PSTPIP2: variants seen among roughly 807,000 people sequenced by gnomAD.
PSTPIP2 encodes proline-serine-threonine phosphatase-interacting protein 2.
In PSTPIP2, 33 loss-of-function variants were observed where a neutral mutation model predicts 63.3. The observed-to-expected ratio is 0.52, with a 90% confidence interval of 0.40 to 0.70. PSTPIP2 has a LOEUF of 0.70. PSTPIP2 is among the 30% of genes least tolerant of loss of function. The pLI is 0.00. For synonymous variants in PSTPIP2, 125 were observed against 132.7 expected, an observed-to-expected ratio of 0.94 and a Z score of 0.40; for missense variants, 312 against 400.7, an observed-to-expected ratio of 0.78 and a Z score of 1.89.
intron 1 of PSTPIP2, among the ~76,000 whole-genome samples, chr18:46,054,663 A>AT (rs567708908): frequency 0.16 from 22,842 of 142,046 alleles, 3,135 homozygotes; most frequent in African/African-American, 0.38. Flanking sequence ...AAACCTACTA[A>AT]TTTTTTTTTT....
At chr18:46,023,218 A>G (rs1312796949) in intron 3 of PSTPIP2, among the ~76,000 whole-genome samples, 1 of 152,138 alleles carries the variant, frequency 6.6e-6, no homozygotes, top group Non-Finnish European at 1.5e-5. Flanking sequence ...TCCCCATAAC[A>G]CATGTTTACC....
At chr18:46,057,995 C>T (rs1265979642) in intron 1 of PSTPIP2, among the ~76,000 whole-genome samples, 20 of 69,726 alleles carry the variant, frequency 2.9e-4, no homozygotes, top group African/African-American at 1.3e-3. Flanking sequence ...GAGACTCCGT[C>T]TCAAAAAAAA....
At chr18:46,061,491 C>T (rs1425741339) in intron 1 of PSTPIP2, among the ~76,000 whole-genome samples, 1 of 152,210 alleles carries the variant, frequency 6.6e-6, no homozygotes, top group Non-Finnish European at 1.5e-5. Flanking sequence ...CAATACCAGT[C>T]TGTATCAGCC....
intron 1 of PSTPIP2, among the ~76,000 whole-genome samples, chr18:46,057,609 C>A (rs1459112424): frequency 1.3e-5 from 2 of 152,054 alleles, no homozygotes; most frequent in Non-Finnish European, 2.9e-5. Flanking sequence ...GGATTACAGG[C>A]GTGCCCCACT....
chr18:46,024,556 G>T, intron 3 of PSTPIP2, 53 bp downstream of exon 3: 2 of 1,454,440 alleles, frequency 1.4e-6, no homozygotes, highest in Non-Finnish European at 1.9e-6. Context: ...AAGCGAGGGA[G>T]CTCCCAGGCA....
intron 9 of PSTPIP2, among the ~76,000 whole-genome samples, chr18:45,997,025 C>T (rs1313354246): frequency 1.3e-5 from 2 of 152,158 alleles, no homozygotes; most frequent in Non-Finnish European, 2.9e-5. Context: ...ATTACTTAAT[C>T]GACCATTAAC....
chr18:46,051,519 T>C (rs1908582062), intron 1 of PSTPIP2, among the ~76,000 whole-genome samples: 1 of 152,152 alleles, frequency 6.6e-6, no homozygotes, highest in Non-Finnish European at 1.5e-5. Flanking sequence ...ACACAGATTA[T>C]TTTCTATTAT....
intron 1 of PSTPIP2, among the ~76,000 whole-genome samples, chr18:46,054,474 C>T (rs1460958571): frequency 6.6e-6 from 1 of 152,038 alleles, no homozygotes; most frequent in Non-Finnish European, 1.5e-5. Flanking sequence ...ACACAAAGAG[C>T]TACACCTAAT....
At chr18:46,011,121 ACAAGCCTG>A in intron 5 of PSTPIP2, 52 bp downstream of exon 5, 1 of 1,403,374 alleles carries the variant, frequency 7.1e-7, no homozygotes, top group Non-Finnish European at 1.0e-6. Context: ...TAATGAACAA[ACAAGCCTG>A]CGGTTTTCTA....
chr18:46,028,468 A>C, intron 2 of PSTPIP2: 1 of 605,884 alleles, frequency 1.7e-6, no homozygotes, highest in African/African-American at 1.9e-5. Context: ...CCGGCCGTGG[A>C]GTGGTGCCTG....
intron 6 of PSTPIP2, among the ~76,000 whole-genome samples, chr18:46,002,181 T>C (rs1407705540): frequency 6.6e-6 from 1 of 152,216 alleles, no homozygotes; most frequent in Non-Finnish European, 1.5e-5. Context: ...AGTTCGATTA[T>C]ATGTCTTGGT....
intron 2 of PSTPIP2, among the ~76,000 whole-genome samples, chr18:46,032,176 G>T (rs190743458): frequency 1.3e-5 from 2 of 152,298 alleles, no homozygotes; most frequent in Non-Finnish European, 2.9e-5. Context: ...CATCGTACTA[G>T]GTGCTAAGAA....
chr18:46,024,472 T>C (rs1907504677), intron 3 of PSTPIP2, 137 bp downstream of exon 3: 1 of 717,486 alleles, frequency 1.4e-6, no homozygotes, highest in Non-Finnish European at 2.5e-6. Flanking sequence ...CTGGACAAAA[T>C]AGTGAGATCC....
At chr18:46,057,242 G>A (rs1908790888) in intron 1 of PSTPIP2, among the ~76,000 whole-genome samples, 2 of 152,232 alleles carry the variant, frequency 1.3e-5, no homozygotes, top group South Asian at 4.1e-4. Context: ...GCCTCCCTCA[G>A]AGAAAAGATT....
At chr18:46,042,132 T>C (rs1908217196) in intron 1 of PSTPIP2, among the ~76,000 whole-genome samples, 2 of 152,144 alleles carry the variant, frequency 1.3e-5, no homozygotes, top group African/African-American at 2.4e-5. Flanking sequence ...ATCAAAACTT[T>C]TACAAGTTAC....
intron 6 of PSTPIP2, among the ~76,000 whole-genome samples, chr18:46,001,629 T>C (rs1005635462): frequency 6.6e-6 from 1 of 152,256 alleles, no homozygotes; most frequent in African/African-American, 2.4e-5. Flanking sequence ...TAACTCTTTT[T>C]ATCTTATAAA....
chr18:46,064,282 CTTTTTTT>C (rs56236802), intron 1 of PSTPIP2, among the ~76,000 whole-genome samples: 6 of 71,540 alleles, frequency 8.4e-5, no homozygotes, highest in Middle Eastern at 0.015. Flanking sequence ...CTTTTTCTTT[CTTTTTTT>C]TTTTTTTTTT....
intron 14 of PSTPIP2, 106 bp from the exon 15 acceptor site, chr18:45,985,556 A>C: frequency 8.6e-7 from 1 of 1,163,486 alleles, no homozygotes; most frequent in Non-Finnish European, 1.2e-6. Flanking sequence ...AGGCCAAGGA[A>C]AACAAATGGT....
intron 10 of PSTPIP2, among the ~76,000 whole-genome samples, chr18:45,993,001 C>T (rs2051554877): frequency 1.3e-5 from 2 of 152,170 alleles, no homozygotes; most frequent in South Asian, 2.1e-4. Context: ...GCTGGGATTA[C>T]AGGTGTAAGC....
Sources: allele counts gnomAD v4.1 joint callset (sites outside exome capture counted in the v4.1 genomes callset), GRCh38; gene constraint gnomAD v4.1.1; transcripts MANE v1.5; gene names NCBI Gene and HGNC (gene_info 2026-07-23, HGNC 2026-07-21).